The following ABTB3 variants were observed in gnomAD, a reference collection of about 807,000 sequenced individuals.
The protein encoded by ABTB3 is ankyrin repeat and BTB domain containing 3.
At chr12:107,613,769 G>A in the ABTB3 span, among the ~76,000 whole-genome samples, 1 of 152,186 alleles carries the variant, frequency 6.6e-6, no homozygotes, top group Non-Finnish European at 1.5e-5. Flanking sequence ...GTATCAGACA[G>A]CAAAGAGATT....
the ABTB3 span, among the ~76,000 whole-genome samples, chr12:107,452,202 A>ATTTT: frequency 3.4e-4 from 38 of 110,190 alleles, no homozygotes; most frequent in Non-Finnish European, 4.7e-4. Flanking sequence ...GCCCATATGA[A>ATTTT]TTTTTTTTTT....
the ABTB3 span, chr12:107,319,861 C>T: frequency 8.1e-7 from 1 of 1,230,492 alleles, no homozygotes; most frequent in Non-Finnish European, 1.0e-6. Context: ...CCAGCAGCGC[C>T]AGCGGGGGCA....
chr12:107,626,073 C>T, the ABTB3 span, among the ~76,000 whole-genome samples: 16 of 152,112 alleles, frequency 1.1e-4, no homozygotes, highest in African/African-American at 3.4e-4. Flanking sequence ...GTTGCAGCTT[C>T]TTCAATGTCA....
At chr12:107,420,644 T>C in the ABTB3 span, among the ~76,000 whole-genome samples, 1 of 152,184 alleles carries the variant, frequency 6.6e-6, no homozygotes, top group Non-Finnish European at 1.5e-5. Flanking sequence ...ATTTGGCTTC[T>C]TTGATATGTT....
the ABTB3 span, among the ~76,000 whole-genome samples, chr12:107,623,317 T>C: frequency 2.0e-5 from 3 of 146,658 alleles, no homozygotes; most frequent in Non-Finnish European, 4.5e-5. Context: ...CCTCAGCCTC[T>C]CAAAGTGCTG....
chr12:107,342,285 TACTGA>T, the ABTB3 span, among the ~76,000 whole-genome samples: 2 of 152,026 alleles, frequency 1.3e-5, no homozygotes, highest in African/African-American at 4.8e-5. Context: ...GGGGCATGGA[TACTGA>T]AGCTTCCATC....
chr12:107,461,846 A>G, the ABTB3 span, among the ~76,000 whole-genome samples: 583 of 152,262 alleles, frequency 3.8e-3, 8 homozygotes, highest in African/African-American at 0.012. Flanking sequence ...CACTCGGCAT[A>G]ATCAAATGCT....
At chr12:107,484,499 G>A in the ABTB3 span, among the ~76,000 whole-genome samples, 1 of 152,302 alleles carries the variant, frequency 6.6e-6, no homozygotes, top group Non-Finnish European at 1.5e-5. Context: ...AGTCCCAGGG[G>A]TGAATGGGTC....
chr12:107,366,975 C>G, the ABTB3 span, among the ~76,000 whole-genome samples: 3 of 152,208 alleles, frequency 2.0e-5, no homozygotes, highest in Non-Finnish European at 4.4e-5. Flanking sequence ...TTGGCTGTGC[C>G]TGTTGGCCAT....
At chr12:107,341,562 T>A in the ABTB3 span, among the ~76,000 whole-genome samples, 10 of 152,154 alleles carry the variant, frequency 6.6e-5, no homozygotes, top group Non-Finnish European at 1.5e-4. Context: ...TGGTGTGCAG[T>A]CTTTCTGGGA....
At chr12:107,335,779 G>A in the ABTB3 span, among the ~76,000 whole-genome samples, 1 of 152,142 alleles carries the variant, frequency 6.6e-6, no homozygotes, top group Non-Finnish European at 1.5e-5. Context: ...GAGGCTAGGC[G>A]AGTGAGGTAG....
the ABTB3 span, among the ~76,000 whole-genome samples, chr12:107,623,261 G>A: frequency 6.6e-5 from 10 of 150,510 alleles, no homozygotes; most frequent in South Asian, 2.1e-4. Context: ...GGATTTCACC[G>A]TGTTGGCCAG....
the ABTB3 span, among the ~76,000 whole-genome samples, chr12:107,603,527 G>A: frequency 6.6e-6 from 1 of 152,170 alleles, no homozygotes; most frequent in African/African-American, 2.4e-5. Flanking sequence ...ACATGCAGAA[G>A]AATGAAATTA....
the ABTB3 span, among the ~76,000 whole-genome samples, chr12:107,443,966 G>A: frequency 6.6e-6 from 1 of 152,206 alleles, no homozygotes; most frequent in Non-Finnish European, 1.5e-5. Flanking sequence ...ACCTAGATGA[G>A]GATGGGGAGC....
At chr12:107,513,854 T>C in the ABTB3 span, among the ~76,000 whole-genome samples, 2 of 152,206 alleles carry the variant, frequency 1.3e-5, no homozygotes, top group East Asian at 3.9e-4. Context: ...GGCCCAGGGT[T>C]CTGCCCAGAG....
At chr12:107,582,276 A>G in the ABTB3 span, among the ~76,000 whole-genome samples, 1 of 152,256 alleles carries the variant, frequency 6.6e-6, no homozygotes, top group Admixed American at 6.5e-5. Flanking sequence ...TGCTTTACAC[A>G]GATGAATATT....
the ABTB3 span, among the ~76,000 whole-genome samples, chr12:107,355,423 C>T: frequency 6.6e-6 from 1 of 152,358 alleles, no homozygotes; most frequent in Middle Eastern, 3.4e-3. Flanking sequence ...CAGCTGTCTC[C>T]TGTCTCATCA....
the ABTB3 span, among the ~76,000 whole-genome samples, chr12:107,612,477 T>C: frequency 6.6e-6 from 1 of 152,240 alleles, no homozygotes; most frequent in Non-Finnish European, 1.5e-5. Flanking sequence ...CTAAGAGCTT[T>C]AAGTGTTTAG....
the ABTB3 span, among the ~76,000 whole-genome samples, chr12:107,498,619 G>C: frequency 3.3e-5 from 5 of 151,994 alleles, no homozygotes; most frequent in Non-Finnish European, 5.9e-5. Flanking sequence ...AGCCCACAAC[G>C]GTCAATTAGG....
Sources: allele counts gnomAD v4.1 joint callset (sites outside exome capture counted in the v4.1 genomes callset), GRCh38; gene constraint gnomAD v4.1.1; transcripts MANE v1.5; gene names NCBI Gene and HGNC (gene_info 2026-07-23, HGNC 2026-07-21).